The following CNTNAP2 variants were observed in gnomAD, a reference collection of about 807,000 sequenced individuals.
CNTNAP2 encodes the protein contactin-associated protein-like 2.
In CNTNAP2, 98 loss-of-function variants were observed where a neutral mutation model predicts 155.2. That is an observed-to-expected ratio of 0.63 (90% CI 0.54 to 0.75). CNTNAP2 has a LOEUF of 0.75. Among genes scored for constraint, CNTNAP2 ranks in the 30% least tolerant of loss-of-function variants. The pLI is 0.00. For synonymous variants in CNTNAP2, 651 were observed against 631.2 expected (o/e 1.03, Z -0.47); for missense variants, 1,727 against 1,688.1 (o/e 1.02, Z -0.40).
At chr7:148,012,258 C>G (rs900473509) in intron 15 of CNTNAP2, among the ~76,000 whole-genome samples, 8 of 152,178 alleles carry the variant, frequency 5.3e-5, no homozygotes, top group African/African-American at 1.9e-4. Context: ...TTATCTTGCT[C>G]TTTCGAGTCC....
chr7:146,943,244 G>A (rs1243158607), intron 3 of CNTNAP2, among the ~76,000 whole-genome samples: 1 of 152,112 alleles, frequency 6.6e-6, no homozygotes, highest in Non-Finnish European at 1.5e-5. Flanking sequence ...TCATAAGAAA[G>A]AGAAAATGAG....
chr7:146,717,600 G>T (rs1425250150), intron 1 of CNTNAP2, among the ~76,000 whole-genome samples: 1 of 151,770 alleles, frequency 6.6e-6, no homozygotes, highest in Non-Finnish European at 1.5e-5. Context: ...TCCTGTTTTG[G>T]CACTGCCATT....
intron 11 of CNTNAP2, among the ~76,000 whole-genome samples, chr7:147,538,022 A>G (rs1267270550): frequency 6.6e-6 from 1 of 152,200 alleles, no homozygotes; most frequent in African/African-American, 2.4e-5. Context: ...ATCTCCCAGG[A>G]AGCTGAGTTA....
At chr7:147,130,853 T>C (rs1801338135) in intron 7 of CNTNAP2, among the ~76,000 whole-genome samples, 1 of 152,086 alleles carries the variant, frequency 6.6e-6, no homozygotes, top group Non-Finnish European at 1.5e-5. Context: ...ATGTGGTCAG[T>C]TATAAAATCT....
intron 1 of CNTNAP2, among the ~76,000 whole-genome samples, chr7:146,189,014 A>G (rs1193906556): frequency 6.6e-6 from 1 of 152,220 alleles, no homozygotes; most frequent in African/African-American, 2.4e-5. Flanking sequence ...ATGATGTGTT[A>G]TAGTAATTAT....
At chr7:147,557,181 T>C (rs1387261494) in intron 11 of CNTNAP2, among the ~76,000 whole-genome samples, 1 of 152,006 alleles carries the variant, frequency 6.6e-6, no homozygotes, top group Non-Finnish European at 1.5e-5. Flanking sequence ...AGAGGATCGC[T>C]TGAACCCGGG....
intron 1 of CNTNAP2, among the ~76,000 whole-genome samples, chr7:146,389,802 GC>G (rs1795514422): frequency 6.7e-6 from 1 of 150,122 alleles, no homozygotes; most frequent in Non-Finnish European, 1.5e-5. Flanking sequence ...CCGGGTTCTA[GC>G]AGTTCTTCCT....
chr7:147,896,908 AC>A (rs1799785566), intron 13 of CNTNAP2: 1 of 152,186 alleles, frequency 6.6e-6, no homozygotes, highest in Admixed American at 6.5e-5. Flanking sequence ...TTCCGCCTAC[AC>A]CCAGGAATGA....
chr7:147,842,782 C>T (rs1798776274), intron 13 of CNTNAP2, among the ~76,000 whole-genome samples: 1 of 75,546 alleles, frequency 1.3e-5, no homozygotes, highest in South Asian at 5.3e-4. Context: ...GTGATATTCC[C>T]CTTCCTGTGT....
At chr7:146,266,286 T>A (rs1420399532) in intron 1 of CNTNAP2, among the ~76,000 whole-genome samples, 1 of 152,206 alleles carries the variant, frequency 6.6e-6, no homozygotes, top group Admixed American at 6.5e-5. Context: ...GGTTTTTGAC[T>A]TTGATCCTGA....
intron 3 of CNTNAP2, among the ~76,000 whole-genome samples, chr7:146,964,731 G>C (rs1797622083): frequency 6.6e-6 from 1 of 152,178 alleles, no homozygotes; most frequent in Non-Finnish European, 1.5e-5. Context: ...CAAAGGACCA[G>C]ATACAAGTAT....
intron 10 of CNTNAP2, among the ~76,000 whole-genome samples, chr7:147,478,183 C>T (rs765029168): frequency 2.0e-5 from 3 of 150,988 alleles, no homozygotes; most frequent in Admixed American, 6.6e-5. Flanking sequence ...GAGGGAGTTT[C>T]GCTCTGTTGC....
At chr7:146,776,191 C>A (rs1164422069) in intron 2 of CNTNAP2, among the ~76,000 whole-genome samples, 1 of 152,006 alleles carries the variant, frequency 6.6e-6, no homozygotes, top group Non-Finnish European at 1.5e-5. Flanking sequence ...AAAAGAAATA[C>A]CATATAATTC....
At chr7:146,674,580 G>A (rs1215287327) in intron 1 of CNTNAP2, among the ~76,000 whole-genome samples, 2 of 152,084 alleles carry the variant, frequency 1.3e-5, no homozygotes, top group East Asian at 3.9e-4. Context: ...ACTGACAAAA[G>A]AGAGATTATC....
At chr7:147,526,748 G>T (rs867794295) in intron 11 of CNTNAP2, among the ~76,000 whole-genome samples, 1 of 152,144 alleles carries the variant, frequency 6.6e-6, no homozygotes, top group Non-Finnish European at 1.5e-5. Flanking sequence ...TCCTAGGCTA[G>T]CTGGTAAAGA....
intron 11 of CNTNAP2, among the ~76,000 whole-genome samples, chr7:147,494,815 A>G (rs2116655477): frequency 6.6e-6 from 1 of 152,338 alleles, no homozygotes; most frequent in African/African-American, 2.4e-5. Context: ...AGAGAATTAG[A>G]GTAAAAAATA....
rs190321998 is a variant in CNTNAP2 at position 146,450,316 on chromosome 7, C to A, written c.98-323955C>A. Among the ~76,000 whole-genome samples, 330 of 152,262 alleles carry A rather than the reference C, an allele frequency of 2.2e-3. 1 individual carries two copies. The highest frequency in any genetic ancestry group is 0.014 in the Middle Eastern group (4 of 294). The stretch of plus-strand genomic sequence containing the variant: ...GCATAGCATACCACCCCAAATCTGA[C>A]AGATTTTAAATGACAGTAATTTATT... On this transcript the variant is annotated intron_variant, in intron 1 of 23. Transcript: ENST00000361727.
intron 9 of CNTNAP2, among the ~76,000 whole-genome samples, chr7:147,374,964 G>T (rs1224652747): frequency 2.6e-5 from 4 of 151,998 alleles, no homozygotes; most frequent in African/African-American, 9.7e-5. Context: ...GAAGGACCTG[G>T]TGAAAGGTGA....
chr7:146,500,202 A>G (rs1797280671), intron 1 of CNTNAP2, among the ~76,000 whole-genome samples: 2 of 152,170 alleles, frequency 1.3e-5, no homozygotes, highest in African/African-American at 2.4e-5. Context: ...AAAACAGATT[A>G]TGTCATCTGA....
Sources: allele counts gnomAD v4.1 joint callset (sites outside exome capture counted in the v4.1 genomes callset), GRCh38; gene constraint gnomAD v4.1.1; transcripts MANE v1.5; gene names NCBI Gene and HGNC (gene_info 2026-07-23, HGNC 2026-07-21).